The following NFIC variants were observed in gnomAD, a reference collection of about 807,000 sequenced individuals.
NFIC encodes the protein nuclear factor I C.
NFIC carries 12 observed loss-of-function variants against 54.4 expected under a neutral mutation model. The ratio of observed to expected loss-of-function variants is 0.22; its 90% CI spans 0.14 to 0.36. The LOEUF (loss-of-function observed/expected upper bound fraction) is 0.36, where lower values mean the gene tolerates loss of function less well. Among genes scored for constraint, NFIC ranks in the 10% least tolerant of loss-of-function variants. The probability of loss-of-function intolerance (pLI) is 1.00; values close to 1 mark genes in which losing one functional copy is unlikely to be tolerated. For synonymous variants in NFIC, 322 were observed against 319.2 expected (o/e 1.01, Z -0.09); for missense variants, 575 against 718.2 (o/e 0.80, Z 2.28).
intron 1 of NFIC, among the ~76,000 whole-genome samples, chr19:3,372,792 C>A (rs559341458): frequency 1.3e-5 from 2 of 151,822 alleles, no homozygotes; most frequent in East Asian, 3.9e-4. Flanking sequence ...AGATTTCATG[C>A]CTCAGTCTCC....
intron 2 of NFIC, among the ~76,000 whole-genome samples, chr19:3,391,723 G>A (rs1387238812): frequency 6.6e-6 from 1 of 152,096 alleles, no homozygotes; most frequent in East Asian, 1.9e-4. Flanking sequence ...CTTGAACCCG[G>A]GAGGCGGAGG....
chr19:3,433,500 G>A lies in NFIC; in HGVS notation c.635-18G>A, dbSNP rs1288534736. 5.6e-6 allele frequency: 9 copies of A among 1,612,646 alleles called. No individual in the cohort carries two copies. The Admixed American group carries it at 6.7e-5, about 12-fold the overall frequency. On this transcript the variant is annotated intron_variant, in intron 3 of 10. Transcript: ENST00000443272. The stretch of plus-strand genomic sequence containing the variant: ...AGGCCCAGCTCAGCCTACTGACCCC[G>A]CTGTCTTCCTGTTCCAGACACGACC...
chr19:3,450,070 T>C (rs1166553566), intron 7 of NFIC, among the ~76,000 whole-genome samples: 2 of 151,432 alleles, frequency 1.3e-5, no homozygotes, highest in Non-Finnish European at 2.9e-5. Context: ...AAAGGCTAAG[T>C]GCAAGTGGCT....
rs1010573629 is a variant in NFIC at position 3,468,598 on chromosome 19, G to A, written c.*5829G>A. 1 of 152,158 alleles carries A rather than the reference G, an allele frequency of 6.6e-6. No homozygotes were observed. Among genetic ancestry groups the A allele is most frequent in the Non-Finnish European group, 1.5e-5 (1 of 68,032 alleles). The allele number at this position is 152,158 out of a possible 1,614,324, so 9.4% of individuals were successfully genotyped here. On this transcript the variant is annotated 3_prime_UTR_variant, in exon 11 of 11. Coordinates refer to ENST00000443272, the MANE Select transcript of NFIC (RefSeq NM_001245002.2). ...TGGGGGGTGGGGGGGCAGCTGGGAG[G>A]AGGGAGGGACAAAACAAAACATTTT...
chr19:3,456,836 G>A (rs2082566675), intron 10 of NFIC: 3 of 610,468 alleles, frequency 4.9e-6, no homozygotes, highest in Non-Finnish European at 8.8e-6. Context: ...TGGTCCTGGG[G>A]GGATGGGGTG....
chr19:3,417,512 G>A (rs977016962), intron 2 of NFIC, among the ~76,000 whole-genome samples: 6 of 152,126 alleles, frequency 3.9e-5, no homozygotes, highest in East Asian at 1.9e-4. Context: ...GCCAGCCTTC[G>A]ACATTATGCA....
Position 3,449,064 on chromosome 19 carries a change from A to C in NFIC, c.1009A>C (p.Ser337Arg). 1.2e-6 allele frequency: 2 copies of C among 1,613,418 alleles called. No individual in the cohort carries two copies. The highest frequency in any genetic ancestry group is 1.7e-6 in the Non-Finnish European group (2 of 1,179,786). Residue 337 changes from serine (S) to arginine (R), a missense_variant, in exon 7 of 11, where the codon AGC becomes CGC. Ser to Arg is a moderately radical substitution (Grantham distance 110). This residue lies in a region of NFIC where 447 missense variants were observed against 526.9 expected (regional missense o/e 0.85). Coordinates refer to ENST00000443272, the MANE Select transcript of NFIC (RefSeq NM_001245002.2). The stretch of plus-strand genomic sequence containing the variant: ...AGAGATGGACAAGTCACCATTCAAC[A>C]GCCCGTCCCCCCAGGACTCTCCCCG... ...KTEMDKSPFN[S>R]PSPQDSPRLS... is the part of the protein sequence containing the mutation.
At chr19:3,422,039 C>T (rs770688010) in intron 2 of NFIC, among the ~76,000 whole-genome samples, 2 of 152,074 alleles carry the variant, frequency 1.3e-5, no homozygotes, top group East Asian at 1.9e-4. Flanking sequence ...GGGGTTCGAG[C>T]GATTCTCCTG....
In NFIC at chr19:3,463,552, C is replaced by G. The variant is rs1347108239; in HGVS notation, c.*783C>G. ...CAAAGCGCCGGCCGACTCGCTGTCT[C>G]GCTGGGGACTCTTTCAGCCCTCGCG... On this transcript the variant is annotated 3_prime_UTR_variant, in exon 11 of 11. Transcript: ENST00000443272. 2 of 984,504 alleles carry G rather than the reference C, an allele frequency of 2.0e-6. No individual in the cohort carries two copies. The highest frequency in any genetic ancestry group is 2.4e-6 in the Non-Finnish European group (2 of 829,754). The allele number at this position is 984,504 out of a possible 1,614,324, so 61.0% of individuals were successfully genotyped here. A position where few individuals can be genotyped will look rare whatever the true frequency, so the allele number is the denominator to read the frequency against.
At chr19:3,419,727 A>G (rs1198353638) in intron 2 of NFIC, among the ~76,000 whole-genome samples, 1 of 151,418 alleles carries the variant, frequency 6.6e-6, no homozygotes, top group African/African-American at 2.4e-5. Flanking sequence ...TGAACCCGGG[A>G]GGCAGAGGCT....
At chr19:3,362,010 CA>C (rs1487517089), upstream of NFIC, among the ~76,000 whole-genome samples, 3 of 152,196 alleles carry the variant, frequency 2.0e-5, no homozygotes, top group African/African-American at 7.2e-5. Flanking sequence ...CTCACGGACA[CA>C]AACACCGCAC....
Position 3,464,585 on chromosome 19 carries a change from GCCCCCTC to G in NFIC, c.*1821_*1827del. ...CTAGGGAAAAACTCCCCCCACCACT[GCCCCCTC>G]CCCCGACCCAGGCCAAAGCCAGGGC... On this transcript the variant is annotated 3_prime_UTR_variant, in exon 11 of 11. Coordinates refer to ENST00000443272, the MANE Select transcript of NFIC (RefSeq NM_001245002.2). 2 of 887,918 alleles carry G rather than the reference GCCCCCTC, an allele frequency of 2.3e-6. No homozygotes were observed. Among genetic ancestry groups the G allele is most frequent in the Non-Finnish European group, 2.6e-6 (2 of 779,198 alleles). 55.0% of individuals were successfully genotyped at this position (887,918 alleles called of 1,614,324 possible).
chr19:3,457,658 G>A (rs2082579923), intron 10 of NFIC, among the ~76,000 whole-genome samples: 1 of 152,190 alleles, frequency 6.6e-6, no homozygotes. Context: ...GAACTGCAGA[G>A]CGTGGAGATG....
chr19:3,421,105 A>G (rs1016984142), intron 2 of NFIC, among the ~76,000 whole-genome samples: 1 of 152,210 alleles, frequency 6.6e-6, no homozygotes. Context: ...CACAGATGAG[A>G]AGAGTGAGGC....
chr19:3,457,564 G>A (rs1432610260), intron 10 of NFIC, among the ~76,000 whole-genome samples: 6 of 152,186 alleles, frequency 3.9e-5, no homozygotes, highest in Non-Finnish European at 8.8e-5. Flanking sequence ...TGGGGAGAGG[G>A]TTGGAGGATG....
At chr19:3,419,965 C>A (rs2081928148) in intron 2 of NFIC, among the ~76,000 whole-genome samples, 1 of 152,036 alleles carries the variant, frequency 6.6e-6, no homozygotes, top group African/African-American at 2.4e-5. Context: ...AGGAACAAGA[C>A]AAGGACACCA....
chr19:3,381,424 C>T (rs1382176376), intron 1 of NFIC, among the ~76,000 whole-genome samples: 1 of 147,998 alleles, frequency 6.8e-6, no homozygotes, highest in African/African-American at 2.5e-5. Flanking sequence ...AATGATCCTC[C>T]ACAAACTTCC....
Position 3,459,523 on chromosome 19 carries a change from G to A in NFIC, c.1509+2888G>A, listed in dbSNP as rs992808013. On this transcript the variant is annotated intron_variant, in intron 10 of 10. Coordinates refer to ENST00000443272, the MANE Select transcript of NFIC (RefSeq NM_001245002.2). This position sits in a 1 kb window ranked among gnomAD's most constrained non-coding sequence, Gnocchi z 4.2. ...CACACAGGCGGCTGCAGCCAGGCCA[G>A]CAGGATACCAGAGCCCAAACCTCCC... Among the ~76,000 whole-genome samples the A allele has an allele frequency of 1.3e-5, 2 of 152,182 alleles. No individual in the cohort carries two copies. Among genetic ancestry groups the A allele is most frequent in the Non-Finnish European group, 1.5e-5 (1 of 68,032 alleles).
chr19:3,430,372 G>GCCA, intron 3 of NFIC, among the ~76,000 whole-genome samples: 1 of 151,896 alleles, frequency 6.6e-6, no homozygotes, highest in African/African-American at 2.4e-5. Context: ...ATAGGCACAT[G>GCCA]CCACCACACC....
Sources: allele counts gnomAD v4.1 joint callset (sites outside exome capture counted in the v4.1 genomes callset), GRCh38; gene constraint gnomAD v4.1.1; regional missense constraint gnomAD v4.1.1; non-coding constraint Gnocchi (gnomAD v3.1); transcripts MANE v1.5; gene names NCBI Gene and HGNC (gene_info 2026-07-23, HGNC 2026-07-21).